The following PTPRA variants were observed in gnomAD, a reference collection of about 807,000 sequenced individuals.
PTPRA encodes the protein protein tyrosine phosphatase receptor type A, also known as receptor-type tyrosine-protein phosphatase alpha.
In PTPRA, 25 loss-of-function variants were observed where a neutral mutation model predicts 104.8. That is an observed-to-expected ratio of 0.24 (90% CI 0.17 to 0.33). PTPRA has a LOEUF of 0.33. Among genes scored for constraint, PTPRA ranks in the 10% least tolerant of loss-of-function variants. The pLI is 1.00. For missense variants in PTPRA, 765 were observed against 1,015.3 expected, an observed-to-expected ratio of 0.75 and a Z score of 3.35; for synonymous variants, 323 against 368.9, an observed-to-expected ratio of 0.88 and a Z score of 1.43.
At chr20:2,921,322 C>CTTTTT (rs11477373) in intron 1 of PTPRA, among the ~76,000 whole-genome samples, 5 of 103,958 alleles carry the variant, frequency 4.8e-5, no homozygotes, top group East Asian at 3.0e-4. Context: ...TGGGAATGCG[C>CTTTTT]TTTTTTTTTT....
chr20:2,894,076 C>A (rs1418793364), intron 1 of PTPRA, among the ~76,000 whole-genome samples: 12 of 151,726 alleles, frequency 7.9e-5, no homozygotes, highest in Admixed American at 7.9e-4. Context: ...TTTTGGTATT[C>A]CCGTATTTCA....
chr20:3,008,738 AAAAAAAC>A (rs2063995304), intron 11 of PTPRA, among the ~76,000 whole-genome samples: 2 of 127,394 alleles, frequency 1.6e-5, no homozygotes, highest in East Asian at 2.7e-4. Context: ...TAAAAAAAAA[AAAAAAAC>A]AAAAAAAAAA....
chr20:2,910,578 G>GTTTTTTTTTTTTTTTTTTTTTT (rs1245304127), intron 1 of PTPRA, among the ~76,000 whole-genome samples: 2 of 32,428 alleles, frequency 6.2e-5, no homozygotes, highest in African/African-American at 1.7e-4. Context: ...TGCCCAGCTA[G>GTTTTTTTTTTTTTTTTTTTTTT]TTTTTTTTTT....
chr20:2,969,886 C>T (rs1395348883), intron 5 of PTPRA, among the ~76,000 whole-genome samples: 1 of 151,884 alleles, frequency 6.6e-6, no homozygotes, highest in East Asian at 2.0e-4. Flanking sequence ...AGGAGAATGG[C>T]GTGAACCCAG....
intron 2 of PTPRA, among the ~76,000 whole-genome samples, chr20:2,938,671 A>C (rs1397274730): frequency 1.3e-5 from 2 of 152,012 alleles, no homozygotes; most frequent in African/African-American, 4.8e-5. Context: ...CATTCATTTA[A>C]GTTTACTAAT....
At chr20:2,923,954 A>G (rs2060195302) in intron 2 of PTPRA, among the ~76,000 whole-genome samples, 1 of 152,220 alleles carries the variant, frequency 6.6e-6, no homozygotes, top group Admixed American at 6.5e-5. Flanking sequence ...TGCAAAACAT[A>G]CACGTATCTA....
At chr20:2,949,871 G>T (rs1177069594) in intron 3 of PTPRA, among the ~76,000 whole-genome samples, 1 of 151,462 alleles carries the variant, frequency 6.6e-6, no homozygotes, top group Non-Finnish European at 1.5e-5. Context: ...TTTTAATATG[G>T]GTGAATTATA....
chr20:2,929,890 A>T (rs1363063002), intron 2 of PTPRA, among the ~76,000 whole-genome samples: 2 of 152,192 alleles, frequency 1.3e-5, no homozygotes, highest in African/African-American at 4.8e-5. Flanking sequence ...CTCTAATTTG[A>T]TGTGACTGGT....
chr20:2,878,713 C>T (rs2089887314), intron 1 of PTPRA, among the ~76,000 whole-genome samples: 2 of 152,198 alleles, frequency 1.3e-5, no homozygotes, highest in Non-Finnish European at 2.9e-5. Context: ...TAGTTTCCAG[C>T]ACTATCAGCA....
intron 11 of PTPRA, among the ~76,000 whole-genome samples, chr20:3,012,520 C>T (rs2148355507): frequency 6.6e-6 from 1 of 152,268 alleles, no homozygotes; most frequent in African/African-American, 2.4e-5. Flanking sequence ...GCCCTTGGGC[C>T]CACAGCCCCT....
At chr20:2,926,934 G>A (rs6051477) in intron 2 of PTPRA, among the ~76,000 whole-genome samples, 3,515 of 151,636 alleles carry the variant, frequency 0.023, 119 homozygotes, top group African/African-American at 0.068. Context: ...GGGATTACAG[G>A]CACCCGCCAC....
intron 2 of PTPRA, among the ~76,000 whole-genome samples, chr20:2,946,691 T>C (rs2061143954): frequency 6.6e-6 from 1 of 151,148 alleles, no homozygotes; most frequent in Admixed American, 6.6e-5. Context: ...CTACTAAAAT[T>C]ACAAAAATTA....
At chr20:2,894,483 GT>G (rs952517211) in intron 1 of PTPRA, among the ~76,000 whole-genome samples, 1 of 151,952 alleles carries the variant, frequency 6.6e-6, no homozygotes, top group Non-Finnish European at 1.5e-5. Flanking sequence ...GTTTTTTTGT[GT>G]TTTTTTAGAG....
At chr20:2,946,859 A>AAG (rs1555804895) in intron 2 of PTPRA, among the ~76,000 whole-genome samples, 3 of 150,978 alleles carry the variant, frequency 2.0e-5, no homozygotes, top group East Asian at 3.9e-4. Flanking sequence ...GAAAAAAAAA[A>AAG]AATAATAATA....
In PTPRA at chr20:2,873,707, C is replaced by T. The variant is rs538553076; in HGVS notation, c.-182C>T. The T allele has an allele frequency of 2.6e-5, 4 of 151,558 alleles. No individual in the cohort carries two copies. The highest frequency in any genetic ancestry group is 1.5e-5 in the Non-Finnish European group (1 of 67,734). 9.4% of individuals were successfully genotyped at this position (151,558 alleles called of 1,614,324 possible). On this transcript the variant is annotated 5_prime_UTR_variant, in exon 1 of 24. Transcript: ENST00000399903. This position sits in a 1 kb window ranked among gnomAD's most constrained non-coding sequence, Gnocchi z 4.4. ...GGCGGCCCGAAACGCCGCCGCGGAGCCGAGGCGGAGCCGCTGTCCTCGTCC... is the reference window on the plus strand; with the variant it reads ...GGCGGCCCGAAACGCCGCCGCGGAGTCGAGGCGGAGCCGCTGTCCTCGTCC...
At chr20:2,917,607 T>G (rs528160265) in intron 1 of PTPRA, among the ~76,000 whole-genome samples, 1 of 152,192 alleles carries the variant, frequency 6.6e-6, no homozygotes, top group African/African-American at 2.4e-5. Flanking sequence ...ATGTTTGCAT[T>G]TATCCAACAT....
chr20:2,970,239 T>C (rs910846136), intron 5 of PTPRA, among the ~76,000 whole-genome samples: 1 of 152,196 alleles, frequency 6.6e-6, no homozygotes, highest in East Asian at 1.9e-4. Context: ...CAGACACATA[T>C]GAGAATATTA....
At chr20:2,973,077 T>G (rs551156109) in intron 5 of PTPRA, among the ~76,000 whole-genome samples, 2 of 152,276 alleles carry the variant, frequency 1.3e-5, no homozygotes, top group East Asian at 3.9e-4. Flanking sequence ...TTGTGATTAT[T>G]TATTATAATA....
chr20:2,974,238 G>A (rs1056949093), intron 5 of PTPRA, among the ~76,000 whole-genome samples: 6 of 151,874 alleles, frequency 4.0e-5, no homozygotes, highest in African/African-American at 9.7e-5. Context: ...ACAGGCGTGA[G>A]CCACCGCGCC....
Sources: allele counts gnomAD v4.1 joint callset (sites outside exome capture counted in the v4.1 genomes callset), GRCh38; gene constraint gnomAD v4.1.1; non-coding constraint Gnocchi (gnomAD v3.1); transcripts MANE v1.5; gene names NCBI Gene and HGNC (gene_info 2026-07-23, HGNC 2026-07-21).